CPNE4: variants seen among roughly 807,000 people sequenced by gnomAD.
CPNE4 encodes the protein copine-4.
A neutral mutation model predicts 67.9 loss-of-function variants in CPNE4; 25 were observed. The observed-to-expected ratio is 0.37, with a 90% CI of 0.27 to 0.51. The LOEUF is 0.51. Among genes scored for constraint, CPNE4 ranks in the 20% least tolerant of loss-of-function variants. The pLI, the probability that CPNE4 is intolerant of heterozygous loss-of-function variation, is 0.93. For synonymous variants in CPNE4, 242 were observed against 244.9 expected (o/e 0.99, Z 0.11); for missense variants, 464 against 690.8 (o/e 0.67, Z 3.68).
intron 1 of CPNE4, among the ~76,000 whole-genome samples, chr3:131,942,463 TGAGAGAGAGAGAGAGA>T (rs59277847): frequency 0.068 from 4,808 of 70,976 alleles, 126 homozygotes; most frequent in Middle Eastern, 0.086. Flanking sequence ...TGTGTGTGTG[TGAGAGAGAGAGAGAGA>T]GAGAGAGAGA....
intron 3 of CPNE4, among the ~76,000 whole-genome samples, chr3:131,711,802 G>C (rs925715258): frequency 2.6e-5 from 4 of 152,154 alleles, no homozygotes; most frequent in African/African-American, 9.7e-5. Flanking sequence ...TTGAAATGAG[G>C]AGTCTAGACT....
chr3:131,970,099 G>A (rs997497608), intron 1 of CPNE4, among the ~76,000 whole-genome samples: 5 of 152,152 alleles, frequency 3.3e-5, no homozygotes, highest in South Asian at 2.1e-4. Context: ...ACTTGCTTTG[G>A]CCAGTGAAAT....
rs916877514 is a variant in CPNE4 at position 131,993,071 on chromosome 3, G to A, written c.-2+41496C>T. On this transcript the variant is annotated intron_variant, in intron 1 of 15. Transcript: ENST00000429747. ...TAATACAAAGATAATGGAGGTTGAA[G>A]AGATAATGGAGGATAAGGCACATGA... Among the ~76,000 whole-genome samples the A allele has an allele frequency of 5.9e-5, 8 of 136,044 alleles. 2 individuals carry two copies. Among genetic ancestry groups the A allele is most frequent in the Admixed American group, 1.7e-4 (2 of 12,070 alleles). The allele number at this position is 136,044 out of a possible 152,430, so 89.3% of individuals were successfully genotyped here. A position where few individuals can be genotyped will look rare whatever the true frequency, so the allele number is the denominator to read the frequency against.
At chr3:131,879,276 A>G (rs889327661) in intron 2 of CPNE4, among the ~76,000 whole-genome samples, 20 of 152,216 alleles carry the variant, frequency 1.3e-4, no homozygotes, top group African/African-American at 4.1e-4. Context: ...ATGAATAAGG[A>G]TATACATAAC....
chr3:131,545,579 T>G lies in CPNE4; in HGVS notation c.1303-2786A>C, dbSNP rs1284905120. Among the ~76,000 whole-genome samples, 4 of 152,342 alleles carry G rather than the reference T, an allele frequency of 2.6e-5. No individual in the cohort carries two copies. In the East Asian group the frequency reaches 5.8e-4, roughly 22 times the overall value. ...CCTACATATATTTCAATGTATTATT[T>G]ATGTTTAACACAACTTAGAAATTAC... On this transcript the variant is annotated intron_variant, in intron 14 of 15. Coordinates refer to ENST00000429747, the MANE Select transcript of CPNE4 (RefSeq NM_130808.3).
chr3:131,749,066 T>C (rs1161006907), intron 2 of CPNE4, among the ~76,000 whole-genome samples: 1 of 152,184 alleles, frequency 6.6e-6, no homozygotes, highest in African/African-American at 2.4e-5. Flanking sequence ...TTTTCTAATA[T>C]GTGCATTCAT....
intron 2 of CPNE4, among the ~76,000 whole-genome samples, chr3:131,792,586 C>CAT (rs1312519325): frequency 9.1e-5 from 12 of 132,358 alleles, no homozygotes; most frequent in Non-Finnish European, 1.6e-4. Context: ...AAATCTCATA[C>CAT]ATATATATAT....
chr3:132,034,351 G>A (rs1347346747), intron 1 of CPNE4, among the ~76,000 whole-genome samples: 1 of 152,200 alleles, frequency 6.6e-6, no homozygotes, highest in Non-Finnish European at 1.5e-5. Flanking sequence ...CGAGTTGGGT[G>A]GATGTCAGAA....
chr3:131,566,099 G>A (rs189060831), intron 10 of CPNE4, among the ~76,000 whole-genome samples: 1 of 151,946 alleles, frequency 6.6e-6, no homozygotes. Context: ...ATACATCCAG[G>A]AGAACATGTA....
intron 7 of CPNE4, among the ~76,000 whole-genome samples, chr3:131,588,030 T>A (rs1452564511): frequency 1.3e-5 from 2 of 152,232 alleles, no homozygotes; most frequent in Non-Finnish European, 2.9e-5. Flanking sequence ...TGCTTCATGA[T>A]TTGAATGGGG....
intron 2 of CPNE4, among the ~76,000 whole-genome samples, chr3:131,859,064 A>T (rs1294345957): frequency 8.5e-5 from 13 of 152,148 alleles, no homozygotes. Context: ...GTTCAAAAAC[A>T]TTTATTATAT....
chr3:131,919,098 A>C (rs936592618), intron 1 of CPNE4, among the ~76,000 whole-genome samples: 1 of 152,142 alleles, frequency 6.6e-6, no homozygotes, highest in Non-Finnish European at 1.5e-5. Flanking sequence ...GTCTACTCTA[A>C]ATAAATGCCT....
At chr3:131,790,920 T>C (rs1217091506) in intron 2 of CPNE4, among the ~76,000 whole-genome samples, 1 of 152,190 alleles carries the variant, frequency 6.6e-6, no homozygotes, top group Non-Finnish European at 1.5e-5. Flanking sequence ...TAACATGTTT[T>C]ATTGTGCAGT....
rs58116331 is a variant in CPNE4 at position 131,993,472 on chromosome 3, C to CAAAAAAAAAAAAAAAAAAAA, written c.-2+41094_-2+41095insTTTTTTTTTTTTTTTTTTTT. On this transcript the variant is annotated intron_variant, in intron 1 of 15. Coordinates refer to ENST00000429747, the MANE Select transcript of CPNE4 (RefSeq NM_130808.3). ...ACCCTGATTTCGTGTGCAGGAGTGGCAAAAAAAAAAAAAAAAAGCATAGCT... is the reference window on the plus strand; with the variant it reads ...ACCCTGATTTCGTGTGCAGGAGTGGCAAAAAAAAAAAAAAAAAAAAAAAAAAAAAAAAAAAAAGCATAGCT... Among the ~76,000 whole-genome samples, 31 of 60,454 alleles carry CAAAAAAAAAAAAAAAAAAAA rather than the reference C, an allele frequency of 5.1e-4. 1 individual carries two copies. The highest frequency in any genetic ancestry group is 1.5e-3 in the African/African-American group (28 of 18,300). 39.7% of individuals were successfully genotyped at this position (60,454 alleles called of 152,430 possible). A position where few individuals can be genotyped will look rare whatever the true frequency, so the allele number is the denominator to read the frequency against.
intron 2 of CPNE4, among the ~76,000 whole-genome samples, chr3:131,819,854 T>C (rs1294633340): frequency 6.6e-6 from 1 of 152,118 alleles, no homozygotes. Context: ...ATGTGGAAAG[T>C]ATGACTTTGA....
intron 1 of CPNE4, among the ~76,000 whole-genome samples, chr3:131,952,587 G>T (rs368459779): frequency 5.9e-4 from 42 of 71,180 alleles, no homozygotes; most frequent in Admixed American, 1.7e-3. Context: ...TCAGCACCCC[G>T]CCCGGCCAGC....
chr3:131,818,449 T>G (rs1043058216), intron 2 of CPNE4, among the ~76,000 whole-genome samples: 1 of 152,184 alleles, frequency 6.6e-6, no homozygotes, highest in African/African-American at 2.4e-5. Flanking sequence ...GGATAAAGAC[T>G]AATTAAAGGC....
chr3:131,834,397 A>G (rs531006149), intron 2 of CPNE4, among the ~76,000 whole-genome samples: 51 of 152,306 alleles, frequency 3.3e-4, no homozygotes, highest in African/African-American at 1.2e-3. Flanking sequence ...GTCACCTTTT[A>G]TAAGAGAAGT....
At chr3:132,036,306 T>C (rs2074337158), upstream of CPNE4, among the ~76,000 whole-genome samples, 1 of 152,100 alleles carries the variant, frequency 6.6e-6, no homozygotes, top group South Asian at 2.1e-4. Flanking sequence ...CGTTGTGACC[T>C]TTGGATATGG....
Sources: allele counts gnomAD v4.1 joint callset (sites outside exome capture counted in the v4.1 genomes callset), GRCh38; gene constraint gnomAD v4.1.1; transcripts MANE v1.5; gene names NCBI Gene and HGNC (gene_info 2026-07-23, HGNC 2026-07-21).